The following ARHGEF11 variants were observed in gnomAD, a reference collection of about 807,000 sequenced individuals.
ARHGEF11 encodes Rho guanine exchange factor (GEF) 11.
A neutral mutation model predicts 193.7 loss-of-function variants in ARHGEF11; 55 were observed. The ratio of observed to expected loss-of-function variants is 0.28; its 90% CI spans 0.23 to 0.36. The LOEUF (loss-of-function observed/expected upper bound fraction) is 0.36, where lower values mean the gene tolerates loss of function less well. Among genes scored for constraint, ARHGEF11 ranks in the 10% least tolerant of loss-of-function variants. The pLI, the probability that ARHGEF11 is intolerant of heterozygous loss-of-function variation, is 1.00. For missense variants in ARHGEF11, 1,723 were observed against 2,005.6 expected (o/e 0.86, Z 2.69); for synonymous variants, 693 against 768.0 (o/e 0.90, Z 1.62).
At chr1:157,023,611 CA>C (rs1412956489) in intron 1 of ARHGEF11, among the ~76,000 whole-genome samples, 5 of 151,990 alleles carry the variant, frequency 3.3e-5, no homozygotes, top group Admixed American at 2.6e-4. Context: ...ACTAAAAATA[CA>C]AAAATTAGCC....
At chr1:156,976,121 C>A (rs1380691747) in intron 7 of ARHGEF11, among the ~76,000 whole-genome samples, 1 of 152,146 alleles carries the variant, frequency 6.6e-6, no homozygotes, top group African/African-American at 2.4e-5. Context: ...TCTACTGCTC[C>A]AACACACACA....
Position 156,948,646 on chromosome 1 carries a change from A to G in ARHGEF11, c.1926-148T>C, listed in dbSNP as rs940254582. 2 of 1,562,670 alleles carry G rather than the reference A, an allele frequency of 1.3e-6. No homozygotes were observed. Among genetic ancestry groups the G allele is most frequent in the African/African-American group, 2.7e-5 (2 of 73,702 alleles). On this transcript the variant is annotated intron_variant, in intron 22 of 40. Coordinates refer to ENST00000368194, the MANE Select transcript of ARHGEF11 (RefSeq NM_198236.3). The surrounding 1 kb of genome is among the most constrained non-coding windows in gnomAD (Gnocchi z 4.2). ...AACATGGCCAAAGCAGCTGGATGGCAGTGGAAGCTTCTCAATGACAGACTA... is the reference window on the plus strand; with the variant it reads ...AACATGGCCAAAGCAGCTGGATGGCGGTGGAAGCTTCTCAATGACAGACTA...
In ARHGEF11 at chr1:156,936,041, C is replaced by T. The variant is rs773443279; in HGVS notation, c.4648G>A (p.Glu1550Lys). Residue 1550 changes from glutamate to lysine, a missense_variant, in exon 41 of 41, where the codon GAA (glutamate) becomes AAA (lysine). Glu to Lys is a moderately conservative substitution (Grantham distance 56, BLOSUM62 1). This residue lies in a region of ARHGEF11 where 360 missense variants were observed against 344.4 expected (regional missense o/e 1.05). Coordinates refer to ENST00000368194, the MANE Select transcript of ARHGEF11 (RefSeq NM_198236.3). ...GCGGCTGCGTCTGCTGTGCTGTCTTCCAGGGGGGCGTCAGAGCCTGTGGGA... is the reference window on the plus strand; with the variant it reads ...GCGGCTGCGTCTGCTGTGCTGTCTTTCAGGGGGGCGTCAGAGCCTGTGGGA... ...CPEDGSDAPL[E>K]DSTADAAASP... 6.2e-7 allele frequency: 1 copy of T among 1,613,950 alleles called. No homozygotes were observed. The highest frequency in any genetic ancestry group is 1.1e-5 in the South Asian group (1 of 91,056).
intron 3 of ARHGEF11, among the ~76,000 whole-genome samples, chr1:156,980,773 A>G (rs1423852090): frequency 7.6e-6 from 1 of 131,776 alleles, no homozygotes; most frequent in African/African-American, 2.9e-5. Flanking sequence ...CTCTGGGAAG[A>G]GCACGTGTGC....
chr1:156,935,943 C>T lies in ARHGEF11; in HGVS notation c.*57G>A. On this transcript the variant is annotated 3_prime_UTR_variant, in exon 41 of 41. Transcript: ENST00000368194. ...GATCCCCCCTACCCTGTGCCCCGGT[C>T]TCAGGCCAGTCCCTGAAGGAGGAGT... The T allele has an allele frequency of 6.4e-7, 1 of 1,565,684 alleles. No individual in the cohort carries two copies. The highest frequency in any genetic ancestry group is 1.2e-5 in the South Asian group (1 of 85,126).
chr1:157,013,396 T>A (rs1571498791), intron 1 of ARHGEF11, among the ~76,000 whole-genome samples: 1 of 151,910 alleles, frequency 6.6e-6, no homozygotes, highest in East Asian at 1.9e-4. Flanking sequence ...CCATGCCTAC[T>A]CCTTGGATGC....
At chr1:156,978,470 C>G in intron 5 of ARHGEF11, 88 bp from the exon 6 acceptor site, 3 of 1,472,522 alleles carry the variant, frequency 2.0e-6, no homozygotes, top group Non-Finnish European at 2.7e-6. Context: ...TCTCCCTTGT[C>G]CTGTCATTAA....
rs1400100759 is a variant in ARHGEF11 at position 156,959,039 on chromosome 1, G to A, written c.1379+7C>T. On this transcript the variant is annotated splice_region_variant and intron_variant, in intron 16 of 40. Transcript: ENST00000368194. ...GAGAGAGGTGGGAGGTCAGCTCCTG[G>A]GCCAACCTGTAGTCGTGGATCTGCT... The A allele has an allele frequency of 6.2e-7, 1 of 1,614,028 alleles. No homozygotes were observed. Among genetic ancestry groups the A allele is most frequent in the Admixed American group, 1.7e-5 (1 of 60,008 alleles).
intron 15 of ARHGEF11, among the ~76,000 whole-genome samples, chr1:156,959,954 A>G (rs1401367692): frequency 7.4e-6 from 1 of 135,108 alleles, no homozygotes; most frequent in African/African-American, 2.7e-5. Context: ...AAAAAAAACA[A>G]TAAGAAAAAC....
chr1:157,035,401 C>CTTTT (rs113951875), intron 1 of ARHGEF11, among the ~76,000 whole-genome samples: 2 of 142,548 alleles, frequency 1.4e-5, no homozygotes, highest in African/African-American at 5.2e-5. Flanking sequence ...TCACAAAATG[C>CTTTT]TTTTTTTTTT....
rs1366429948 is a variant in ARHGEF11, at chr1:157,045,118, T to G, written c.-788A>C. 2.0e-5 allele frequency: 3 copies of G among 151,710 alleles called. No individual in the cohort carries two copies. The highest frequency in any genetic ancestry group is 7.3e-5 in the African/African-American group (3 of 41,276). 9.4% of individuals were successfully genotyped at this position (151,710 alleles called of 1,614,324 possible). A position where few individuals can be genotyped will look rare whatever the true frequency, so the allele number is the denominator to read the frequency against. On this transcript the variant is annotated 5_prime_UTR_variant, in exon 1 of 41. Coordinates refer to ENST00000368194, the MANE Select transcript of ARHGEF11 (RefSeq NM_198236.3). The stretch of plus-strand genomic sequence containing the variant: ...AATAAAAATCAAAGAACACCTGAAA[T>G]GCAATGCTTTTTACCTTTAAGATGG...
rs1051589936 is a variant in ARHGEF11 at position 157,044,664 on chromosome 1, C to CA, written c.-335dup. On this transcript the variant is annotated 5_prime_UTR_variant, in exon 1 of 41. Transcript: ENST00000368194. The stretch of plus-strand genomic sequence containing the variant: ...ATCTCTTCAAGGTTAGCACTATGGC[C>CA]AAAAAAAAATGAATCACAGAAAAAT... 7.2e-4 allele frequency: 285 copies of CA among 398,316 alleles called. No homozygotes were observed. Among genetic ancestry groups the CA allele is most frequent in the East Asian group, 2.3e-3 (65 of 27,786 alleles). 24.7% of individuals were successfully genotyped at this position (398,316 alleles called of 1,614,324 possible).
intron 13 of ARHGEF11, 120 bp from the exon 14 acceptor site, chr1:156,961,895 C>G: frequency 1.3e-6 from 1 of 793,376 alleles, no homozygotes; most frequent in East Asian, 2.7e-5. Flanking sequence ...TGGGCAAGTG[C>G]GGTGCTACTG....
chr1:157,000,295 C>T (rs891405530), intron 1 of ARHGEF11, among the ~76,000 whole-genome samples: 3 of 152,086 alleles, frequency 2.0e-5, no homozygotes, highest in Non-Finnish European at 2.9e-5. Flanking sequence ...CTAATGTTTT[C>T]CTGAAAAGAT....
intron 1 of ARHGEF11, among the ~76,000 whole-genome samples, chr1:157,022,605 T>A (rs1046285806): frequency 6.6e-6 from 1 of 152,232 alleles, no homozygotes; most frequent in African/African-American, 2.4e-5. Context: ...CACAAAGTTA[T>A]CTACAGATTT....
chr1:156,998,888 T>C (rs1401063413), intron 1 of ARHGEF11, among the ~76,000 whole-genome samples: 3 of 152,242 alleles, frequency 2.0e-5, no homozygotes, highest in African/African-American at 4.8e-5. Flanking sequence ...CCAGGAGACC[T>C]AGATATTGGT....
At chr1:156,994,466 G>T (rs1047079686) in intron 1 of ARHGEF11, among the ~76,000 whole-genome samples, 1 of 149,762 alleles carries the variant, frequency 6.7e-6, no homozygotes, top group Non-Finnish European at 1.5e-5. Context: ...AACAGAACTA[G>T]AAAGAGTGAG....
In ARHGEF11 at chr1:156,946,942, C is replaced by T; in HGVS notation, c.2562G>A (p.Leu854=). Residue 854 remains leucine (L), a synonymous_variant, in exon 27 of 41, where the codon CTG becomes CTA. Transcript: ENST00000368194. ...PIIKEISDLM[L]ARFDGPAREE... is the part of the protein sequence containing the mutation. ...GAGAAGTTTGGAGCCATACCCGGGC[C>T]AGCATGAGGTCACTGATCTCTTTGA... 6.2e-7 allele frequency: 1 copy of T among 1,614,078 alleles called. No individual in the cohort carries two copies. The highest frequency in any genetic ancestry group is 8.5e-7 in the Non-Finnish European group (1 of 1,180,048).
rs1468364640 is a variant in ARHGEF11, at chr1:156,963,576, T to C, written c.982A>G (p.Lys328Glu). The C allele has an allele frequency of 6.7e-7, 1 of 1,482,358 alleles. No individual in the cohort carries two copies. Among genetic ancestry groups the C allele is most frequent in the South Asian group, 1.4e-5 (1 of 70,642 alleles). The allele number at this position is 1,482,358 out of a possible 1,614,324, so 91.8% of individuals were successfully genotyped here. Residue 328 changes from lysine to glutamate, a missense_variant, in exon 12 of 41, where the codon AAG becomes GAG. This residue lies in a region of ARHGEF11 where 646 missense variants were observed against 710.7 expected (regional missense o/e 0.91). Transcript: ENST00000368194. ...TCCTCTGGGCCAATAATTAAAGGCTTTGGGCTTTGATCTACACCCTGGGGG... is the reference window on the plus strand; with the variant it reads ...TCCTCTGGGCCAATAATTAAAGGCTCTGGGCTTTGATCTACACCCTGGGGG... ...TGDQGVDQSP[K>E]PLIIGPEEDY...
Sources: gnomAD v4.1 joint callset for allele counts (sites outside exome capture counted in the v4.1 genomes callset) on GRCh38, gnomAD v4.1.1 for gene constraint, gnomAD v4.1.1 regional missense constraint, Gnocchi (gnomAD v3.1) non-coding constraint, MANE v1.5 for transcripts, NCBI Gene and HGNC (gene_info 2026-07-23, HGNC 2026-07-21) for gene names.